Variants in TAS2R1 observed in about 807,000 individuals in gnomAD.
TAS2R1 encodes taste 2 receptor member 1, also known as taste receptor type 2 member 1.
For missense variants in TAS2R1, 370 were observed against 353.4 expected, an observed-to-expected ratio of 1.05 and a Z score of -0.38; for synonymous variants, 141 against 134.2, an observed-to-expected ratio of 1.05 and a Z score of -0.35.
At position 9,629,309 on chromosome 5, in the gene TAS2R1, T is replaced by C. The variant is rs1451118938; in HGVS notation, c.724A>G (p.Met242Val). The C allele has an allele frequency of 5.0e-6, 8 of 1,613,468 alleles. No individual in the cohort carries two copies. Among genetic ancestry groups the C allele is most frequent in the South Asian group, 2.2e-5 (2 of 91,024 alleles). ...SFLILYFSHC[M>V]IKVFLSSLKF... The stretch of plus-strand genomic sequence containing the variant: ...AGAGAAGAGAGAAAAACTTTTATCA[T>C]GCAGTGGGAGAAGTAGAGGATCAGG... Residue 242 changes from methionine to valine, a missense_variant, in exon 1 of 1, where the codon ATG (methionine) becomes GTG (valine). Coordinates refer to ENST00000382492, the MANE Select transcript of TAS2R1 (RefSeq NM_019599.3).
the TAS2R1 span, among the ~76,000 whole-genome samples, chr5:9,748,630 G>A: frequency 6.7e-6 from 1 of 150,096 alleles, no homozygotes; most frequent in Non-Finnish European, 1.5e-5. Context: ...GAGGGAGGGA[G>A]ATAGTAGGCT....
At chr5:9,790,498 G>A in the TAS2R1 span, among the ~76,000 whole-genome samples, 1 of 152,150 alleles carries the variant, frequency 6.6e-6, no homozygotes, top group Non-Finnish European at 1.5e-5. Flanking sequence ...TCAACGGCAA[G>A]CATAAATCAT....
chr5:9,649,809 T>C (rs1179583610), intron 2 of TAS2R1, among the ~76,000 whole-genome samples: 1 of 152,226 alleles, frequency 6.6e-6, no homozygotes, highest in Non-Finnish European at 1.5e-5. Flanking sequence ...GTTAGATTCA[T>C]GACAAACAGA....
the TAS2R1 span, among the ~76,000 whole-genome samples, chr5:9,814,282 G>A: frequency 3.4e-4 from 52 of 151,508 alleles, no homozygotes; most frequent in Middle Eastern, 3.4e-3. Flanking sequence ...CATTTATGCC[G>A]AGTTTTCTAA....
At chr5:9,684,240 C>A (rs992388441) in intron 1 of TAS2R1, among the ~76,000 whole-genome samples, 1 of 152,176 alleles carries the variant, frequency 6.6e-6, no homozygotes, top group African/African-American at 2.4e-5. Context: ...AAAATGTTGT[C>A]ATTTACAGCA....
At chr5:9,687,218 C>T (rs1741142832) in intron 1 of TAS2R1, among the ~76,000 whole-genome samples, 1 of 152,190 alleles carries the variant, frequency 6.6e-6, no homozygotes, top group African/African-American at 2.4e-5. Context: ...TGATTGCTCG[C>T]CTCAGCCTCC....
chr5:9,768,006 G>A, the TAS2R1 span, among the ~76,000 whole-genome samples: 1 of 148,540 alleles, frequency 6.7e-6, no homozygotes, highest in Non-Finnish European at 1.5e-5. Context: ...TTTGAATCAA[G>A]CCCCCACACT....
At chr5:9,660,842 GT>G (rs758533444) in intron 1 of TAS2R1, among the ~76,000 whole-genome samples, 1 of 152,200 alleles carries the variant, frequency 6.6e-6, no homozygotes, top group Non-Finnish European at 1.5e-5. Context: ...CAAATGGCTG[GT>G]TCTGTGAGGT....
At chr5:9,889,108 T>C in the TAS2R1 span, among the ~76,000 whole-genome samples, 1 of 152,272 alleles carries the variant, frequency 6.6e-6, no homozygotes, top group Admixed American at 6.5e-5. Context: ...TACAGACCTA[T>C]AAACTCAGTA....
At chr5:9,830,558 G>A in the TAS2R1 span, among the ~76,000 whole-genome samples, 1 of 151,820 alleles carries the variant, frequency 6.6e-6, no homozygotes, top group Admixed American at 6.6e-5. Context: ...TAAATAGAGA[G>A]ATGATAGATG....
the TAS2R1 span, among the ~76,000 whole-genome samples, chr5:9,740,354 A>C: frequency 2.6e-5 from 4 of 152,216 alleles, no homozygotes; most frequent in African/African-American, 9.6e-5. Context: ...TAAGTGGTAC[A>C]GTAAAGAATG....
intron 1 of TAS2R1, among the ~76,000 whole-genome samples, chr5:9,680,822 G>A (rs1048714290): frequency 1.3e-5 from 2 of 152,126 alleles, no homozygotes; most frequent in East Asian, 1.9e-4. Context: ...GGAGGCCAAG[G>A]TGGGCGGATC....
At chr5:9,891,080 ATT>A in the TAS2R1 span, among the ~76,000 whole-genome samples, 1 of 152,182 alleles carries the variant, frequency 6.6e-6, no homozygotes, top group African/African-American at 2.4e-5. Context: ...TTAAAATCTC[ATT>A]CTCTCTCTAG....
the TAS2R1 span, among the ~76,000 whole-genome samples, chr5:9,773,012 A>C: frequency 2.0e-5 from 3 of 152,038 alleles, no homozygotes; most frequent in Non-Finnish European, 2.9e-5. Context: ...TACCAATGTT[A>C]TTATTGATAA....
the TAS2R1 span, among the ~76,000 whole-genome samples, chr5:9,791,920 C>G: frequency 2.6e-5 from 4 of 152,210 alleles, no homozygotes; most frequent in Non-Finnish European, 5.9e-5. Context: ...GCCGAATCTT[C>G]TTCACCGTCA....
At chr5:9,774,943 A>T in the TAS2R1 span, among the ~76,000 whole-genome samples, 1 of 152,230 alleles carries the variant, frequency 6.6e-6, no homozygotes, top group Non-Finnish European at 1.5e-5. Flanking sequence ...TACCACCAAT[A>T]TTCACTCAAG....
At chr5:9,751,619 T>C in the TAS2R1 span, among the ~76,000 whole-genome samples, 1 of 152,246 alleles carries the variant, frequency 6.6e-6, no homozygotes, top group Non-Finnish European at 1.5e-5. Context: ...TTACATTTCA[T>C]ATTTGTTTTA....
At chr5:9,674,810 ATCTC>A (rs1740839993) in intron 1 of TAS2R1, among the ~76,000 whole-genome samples, 1 of 152,076 alleles carries the variant, frequency 6.6e-6, no homozygotes, top group Non-Finnish European at 1.5e-5. Context: ...AGGGAAGAAC[ATCTC>A]TCTCCTCACT....
chr5:9,886,630 A>G, the TAS2R1 span, among the ~76,000 whole-genome samples: 4 of 152,094 alleles, frequency 2.6e-5, no homozygotes, highest in Non-Finnish European at 5.9e-5. Context: ...CACCGTTCCC[A>G]GTCTATTTTT....
Sources: gnomAD v4.1 joint callset for allele counts (sites outside exome capture counted in the v4.1 genomes callset) on GRCh38, gnomAD v4.1.1 for gene constraint, MANE v1.5 for transcripts, NCBI Gene and HGNC (gene_info 2026-07-23, HGNC 2026-07-21) for gene names.